Variants in NRXN1 observed in about 807,000 individuals in gnomAD.
NRXN1 encodes the protein neurexin 1.
Under a neutral mutation model 150.9 loss-of-function variants are expected in NRXN1, and 39 were observed. The observed-to-expected ratio is 0.26, with a 90% CI of 0.20 to 0.34. The LOEUF (loss-of-function observed/expected upper bound fraction) is 0.34, where lower values mean the gene tolerates loss of function less well. Ranked by LOEUF, NRXN1 falls within the 10% of genes least tolerant of loss-of-function variation. The pLI, the probability that NRXN1 is intolerant of heterozygous loss-of-function variation, is 1.00. For missense variants in NRXN1, 1,815 were observed against 1,949.9 expected (o/e 0.93, Z 1.30); for synonymous variants, 924 against 757.0 (o/e 1.22, Z -3.62).
intron 17 of NRXN1, among the ~76,000 whole-genome samples, chr2:50,370,113 TG>T (rs2079907162): frequency 6.6e-6 from 1 of 152,066 alleles, no homozygotes; most frequent in Admixed American, 6.6e-5. Context: ...GCAATTTTGT[TG>T]GCATGATTTT....
intron 17 of NRXN1, among the ~76,000 whole-genome samples, chr2:50,439,061 G>A (rs1445942474): frequency 6.6e-6 from 1 of 152,194 alleles, no homozygotes; most frequent in Non-Finnish European, 1.5e-5. Context: ...GGGTTCTAAT[G>A]GCTAGCTTTA....
At chr2:50,919,289 G>C (rs1288776104) in intron 5 of NRXN1, 1 of 151,774 alleles carries the variant, frequency 6.6e-6, no homozygotes, top group Admixed American at 6.6e-5. Flanking sequence ...ACATCACAAA[G>C]TGAGACCAGT....
chr2:50,306,423 T>A (rs937930800), intron 17 of NRXN1, among the ~76,000 whole-genome samples: 3 of 152,230 alleles, frequency 2.0e-5, no homozygotes, highest in African/African-American at 7.2e-5. Flanking sequence ...ACTGAGCCTT[T>A]TGTCTTTAAC....
At chr2:50,908,833 A>G (rs533690367) in intron 5 of NRXN1, among the ~76,000 whole-genome samples, 3 of 151,894 alleles carry the variant, frequency 2.0e-5, no homozygotes, top group African/African-American at 4.8e-5. Flanking sequence ...AGGAAGAGAG[A>G]CCTGAGCTGG....
intron 17 of NRXN1, among the ~76,000 whole-genome samples, chr2:50,434,043 ATTTTTTT>A (rs748364051): frequency 2.8e-5 from 2 of 72,154 alleles, no homozygotes; most frequent in African/African-American, 5.5e-5. Context: ...TATCTAAGCC[ATTTTTTT>A]TTTTTTTTTT....
At chr2:50,417,861 T>C (rs2083668470) in intron 17 of NRXN1, among the ~76,000 whole-genome samples, 1 of 151,524 alleles carries the variant, frequency 6.6e-6, no homozygotes, top group Admixed American at 6.6e-5. Context: ...AAGAGAAGTA[T>C]AAAATGTAAA....
chr2:50,291,187 T>C (rs2072881370), intron 17 of NRXN1, among the ~76,000 whole-genome samples: 1 of 150,610 alleles, frequency 6.6e-6, no homozygotes, highest in Non-Finnish European at 1.5e-5. Flanking sequence ...TTAGGAAACA[T>C]TGGCTCACGT....
chr2:50,450,438 GAA>G (rs10568240), intron 17 of NRXN1, among the ~76,000 whole-genome samples: 51,912 of 142,986 alleles, frequency 0.36, 9,167 homozygotes, highest in African/African-American at 0.41. Context: ...GAGCAAAACA[GAA>G]AAAAAAAAAA....
chr2:50,508,780 C>A (rs368572688), intron 12 of NRXN1, among the ~76,000 whole-genome samples: 1 of 152,016 alleles, frequency 6.6e-6, no homozygotes, highest in Non-Finnish European at 1.5e-5. Context: ...TAAAAATAAC[C>A]CTTTGGTTCA....
intron 22 of NRXN1, among the ~76,000 whole-genome samples, chr2:49,924,946 A>G (rs1302475934): frequency 1.3e-5 from 2 of 152,198 alleles, no homozygotes; most frequent in Non-Finnish European, 2.9e-5. Flanking sequence ...TTTATGCTTC[A>G]AATCTGAAGG....
chr2:50,757,667 A>G (rs1183911257), intron 5 of NRXN1, among the ~76,000 whole-genome samples: 1 of 151,780 alleles, frequency 6.6e-6, no homozygotes, highest in Non-Finnish European at 1.5e-5. Flanking sequence ...AATTTAGACA[A>G]CTTTATCAAT....
intron 5 of NRXN1, among the ~76,000 whole-genome samples, chr2:50,896,724 T>C (rs553966120): frequency 6.6e-6 from 1 of 152,088 alleles, no homozygotes; most frequent in East Asian, 1.9e-4. Flanking sequence ...GGCATGCCCA[T>C]AGTCCCAGCT....
At chr2:50,760,920 T>C (rs958530796) in intron 5 of NRXN1, among the ~76,000 whole-genome samples, 8 of 151,928 alleles carry the variant, frequency 5.3e-5, no homozygotes, top group Non-Finnish European at 1.5e-5. Flanking sequence ...GAGCTTCTTA[T>C]TGCTCACTCA....
At chr2:50,743,496 G>A (rs1301286732) in intron 5 of NRXN1, among the ~76,000 whole-genome samples, 1 of 152,070 alleles carries the variant, frequency 6.6e-6, no homozygotes, top group Non-Finnish European at 1.5e-5. Flanking sequence ...CTGAAGAAAG[G>A]GAACATTTAA....
chr2:50,874,259 T>C (rs1678228160), intron 5 of NRXN1, among the ~76,000 whole-genome samples: 1 of 151,868 alleles, frequency 6.6e-6, no homozygotes, highest in Non-Finnish European at 1.5e-5. Context: ...CAGTTATTAT[T>C]TCCCTAGCAC....
intron 8 of NRXN1, among the ~76,000 whole-genome samples, chr2:50,602,480 G>T (rs1676435310): frequency 5.3e-5 from 8 of 151,578 alleles, no homozygotes; most frequent in Non-Finnish European, 1.5e-5. Flanking sequence ...TCACTGTTCA[G>T]AATTTCTTTT....
At chr2:50,211,498 T>C (rs1384973822) in intron 18 of NRXN1, among the ~76,000 whole-genome samples, 2 of 151,584 alleles carry the variant, frequency 1.3e-5, no homozygotes. Context: ...AATTTTCATA[T>C]TAAATGATAA....
At position 50,552,911 on chromosome 2, in the gene NRXN1, A is replaced by C; in HGVS notation, c.1435T>G (p.Leu479Val). The change falls in exon 9 of 23, where the codon TTA becomes GTA. Residue 479 changes from leucine (L) to valine (V), a missense_variant. Physicochemically the swap from Leu to Val is conservative, Grantham distance 32 (BLOSUM62 1). Around this residue, in one of 6 missense-constraint regions of NRXN1, gnomAD observed 638 missense variants for 652.6 expected, o/e 0.98. Coordinates refer to ENST00000401669, the MANE Select transcript of NRXN1 (RefSeq NM_001330078.2). ...GGGGTTTCAAAGGTGATTGGGTCTA[A>C]AGTTGCAACATTCTCACATTTAAAT... ...VAFKCENVAT[L>V]DPITFETPES... The C allele has an allele frequency of 1.2e-6, 2 of 1,613,944 alleles. No individual in the cohort carries two copies. The highest frequency in any genetic ancestry group is 1.7e-6 in the Non-Finnish European group (2 of 1,179,826).
intron 2 of NRXN1, among the ~76,000 whole-genome samples, chr2:50,968,771 T>C (rs1164099267): frequency 2.0e-5 from 3 of 152,164 alleles, no homozygotes; most frequent in Non-Finnish European, 2.9e-5. Context: ...TCTCAACACA[T>C]AATAGTTGAG....
Sources: gnomAD v4.1 joint callset for allele counts (sites outside exome capture counted in the v4.1 genomes callset) on GRCh38, gnomAD v4.1.1 for gene constraint, gnomAD v4.1.1 regional missense constraint, MANE v1.5 for transcripts, NCBI Gene and HGNC (gene_info 2026-07-23, HGNC 2026-07-21) for gene names.